SSPN: variants seen among roughly 807,000 people sequenced by gnomAD.
The protein encoded by SSPN is K-ras oncogene-associated protein.
In SSPN, 15 loss-of-function variants were observed where a neutral mutation model predicts 19.1. That is an observed-to-expected ratio of 0.78 (90% CI 0.52 to 1.21). The LOEUF (loss-of-function observed/expected upper bound fraction) is 1.21, where lower values mean the gene tolerates loss of function less well. SSPN is among the 50% of genes most tolerant of loss of function. SSPN has a pLI of 0.00. For missense variants in SSPN, 291 were observed against 314.0 expected, an observed-to-expected ratio of 0.93 and a Z score of 0.55; for synonymous variants, 147 against 140.3, an observed-to-expected ratio of 1.05 and a Z score of -0.34.
At chr12:26,145,783 C>T (rs766995515) in intron 1 of SSPN, among the ~76,000 whole-genome samples, 5 of 152,152 alleles carry the variant, frequency 3.3e-5, no homozygotes, top group Non-Finnish European at 5.9e-5. Flanking sequence ...ATTCCGCCCT[C>T]GTGCCCCTCT....
intron 1 of SSPN, among the ~76,000 whole-genome samples, chr12:26,163,675 C>A (rs988740032): frequency 1.2e-4 from 18 of 152,162 alleles, no homozygotes; most frequent in Admixed American, 3.9e-4. Context: ...GGCTTATTCA[C>A]CTCTTAAAGG....
intron 1 of SSPN, among the ~76,000 whole-genome samples, chr12:26,219,538 C>T (rs1046817547): frequency 6.6e-6 from 1 of 152,156 alleles, no homozygotes; most frequent in African/African-American, 2.4e-5. Flanking sequence ...TTCTAGCTCA[C>T]AAGAGAGAAT....
chr12:26,169,591 A>ATTT (rs1479374129), intron 1 of SSPN, among the ~76,000 whole-genome samples: 6 of 126,576 alleles, frequency 4.7e-5, no homozygotes, highest in African/African-American at 2.4e-4. Context: ...ATATATATAT[A>ATTT]TATTTTTTTT....
intron 1 of SSPN, among the ~76,000 whole-genome samples, chr12:26,166,396 G>A (rs1403471653): frequency 6.6e-6 from 1 of 152,206 alleles, no homozygotes; most frequent in Non-Finnish European, 1.5e-5. Flanking sequence ...ACTCGGAAAT[G>A]TAGCAACCAA....
intron 1 of SSPN, among the ~76,000 whole-genome samples, chr12:26,158,871 C>G (rs563963507): frequency 6.6e-6 from 1 of 152,374 alleles, no homozygotes; most frequent in African/African-American, 2.4e-5. Context: ...CCTGCTCTTG[C>G]CAGTAGAGCC....
In SSPN at chr12:26,231,149, A is replaced by G; in HGVS notation, c.*73A>G. 1 of 1,447,192 alleles carries G rather than the reference A, an allele frequency of 6.9e-7. No homozygotes were observed. The highest frequency in any genetic ancestry group is 9.1e-7 in the Non-Finnish European group (1 of 1,099,260). The allele number at this position is 1,447,192 out of a possible 1,614,324, so 89.6% of individuals were successfully genotyped here. On this transcript the variant is annotated 3_prime_UTR_variant, in exon 3 of 3. Transcript: ENST00000242729. Reference sequence around the variant, plus strand: ...GGTTAAACAAACAAAAAAAAATTTTAAACAAAGAAAGGAAAAAAATTGACA... The same window carrying G: ...GGTTAAACAAACAAAAAAAAATTTTGAACAAAGAAAGGAAAAAAATTGACA...
chr12:26,195,933 A>G lies in SSPN; in HGVS notation c.261A>G (p.Pro87=), dbSNP rs1294812632. ...CCTCCCTGCTAGTCAGGGACACTCCATTTTGGGCTGGGATCATTGTAAGCA... is the reference window on the plus strand; with the variant it reads ...CCTCCCTGCTAGTCAGGGACACTCCGTTTTGGGCTGGGATCATTGTAAGCA... ...ISSSLLVRDT[P]FWAGIIVCLV... Residue 87 remains proline (P), a synonymous_variant, in exon 1 of 3, where the codon CCA becomes CCG. Coordinates refer to ENST00000242729, the MANE Select transcript of SSPN (RefSeq NM_005086.5). 1.1e-5 allele frequency: 17 copies of G among 1,535,394 alleles called. No homozygotes were observed. In the African/African-American group the frequency reaches 2.3e-4, roughly 21 times the overall value.
At chr12:26,173,066 T>A (rs1166710082) in intron 1 of SSPN, among the ~76,000 whole-genome samples, 1 of 152,186 alleles carries the variant, frequency 6.6e-6, no homozygotes, top group Non-Finnish European at 1.5e-5. Context: ...TGTTTTGTGC[T>A]GTTGATTTGA....
intron 1 of SSPN, among the ~76,000 whole-genome samples, chr12:26,214,076 G>C (rs1400618497): frequency 6.6e-6 from 1 of 152,062 alleles, no homozygotes; most frequent in Non-Finnish European, 1.5e-5. Context: ...AGCACAGTTT[G>C]AGTTCCTGTG....
intron 1 of SSPN, among the ~76,000 whole-genome samples, chr12:26,132,374 TTAAGA>T (rs1322442557): frequency 6.6e-6 from 1 of 152,230 alleles, no homozygotes. Context: ...TAAATTTCTC[TTAAGA>T]GAAAAGATCA....
intron 1 of SSPN, among the ~76,000 whole-genome samples, chr12:26,144,282 A>T (rs1944477071): frequency 1.3e-5 from 2 of 152,316 alleles, no homozygotes; most frequent in Middle Eastern, 3.4e-3. Context: ...AGAATGCAGA[A>T]CTTTGCCATG....
intron 1 of SSPN, among the ~76,000 whole-genome samples, chr12:26,187,426 GATTATTGAAAC>G (rs1188695647): frequency 6.6e-6 from 1 of 152,252 alleles, no homozygotes; most frequent in East Asian, 1.9e-4. Flanking sequence ...CTTAATGTTA[GATTATTGAAAC>G]ATTGTTTTTG....
chr12:26,201,046 T>TATAA (rs59727119), intron 1 of SSPN, among the ~76,000 whole-genome samples: 1 of 77,210 alleles, frequency 1.3e-5, no homozygotes, highest in Non-Finnish European at 2.3e-5. Context: ...TATATATATA[T>TATAA]TATATATATA....
At chr12:26,171,611 C>A (rs1286045141) in intron 1 of SSPN, among the ~76,000 whole-genome samples, 2 of 114,692 alleles carry the variant, frequency 1.7e-5, no homozygotes, top group African/African-American at 8.9e-5. Flanking sequence ...AGAATAATGC[C>A]CCTGTTTTCC....
intron 1 of SSPN, among the ~76,000 whole-genome samples, chr12:26,199,332 A>C (rs971367315): frequency 3.3e-5 from 5 of 152,190 alleles, no homozygotes; most frequent in African/African-American, 4.8e-5. Context: ...ATCCCCAATC[A>C]AAAGATGATT....
Position 26,232,065 on chromosome 12 carries a change from C to T in SSPN, c.*989C>T. On this transcript the variant is annotated 3_prime_UTR_variant, in exon 3 of 3. Transcript: ENST00000242729. ...ACACCCATTTAAACAAAAACAAGAG[C>T]ATTTGTAATAGGAAGTGTTTATACA... The T allele has an allele frequency of 4.1e-6, 4 of 985,276 alleles. No homozygotes were observed. The highest frequency in any genetic ancestry group is 4.8e-6 in the Non-Finnish European group (4 of 829,896). The allele number at this position is 985,276 out of a possible 1,614,324, so 61.0% of individuals were successfully genotyped here.
At chr12:26,191,173 A>G (rs1944785245), upstream of SSPN, among the ~76,000 whole-genome samples, 1 of 152,230 alleles carries the variant, frequency 6.6e-6, no homozygotes, top group South Asian at 2.1e-4. Flanking sequence ...GTATTTCTCA[A>G]TTAAAATAAA....
intron 1 of SSPN, among the ~76,000 whole-genome samples, chr12:26,130,053 A>T (rs1390267406): frequency 2.0e-5 from 3 of 152,034 alleles, no homozygotes; most frequent in Non-Finnish European, 4.4e-5. Context: ...TCTCATACTG[A>T]TTGAGGTGGA....
intron 1 of SSPN, among the ~76,000 whole-genome samples, chr12:26,164,634 T>C (rs563158277): frequency 2.0e-5 from 3 of 152,368 alleles, no homozygotes; most frequent in African/African-American, 7.2e-5. Context: ...TTGATTTATT[T>C]ACTTCATTGT....
Sources: gnomAD v4.1 joint callset for allele counts (sites outside exome capture counted in the v4.1 genomes callset) on GRCh38, gnomAD v4.1.1 for gene constraint, MANE v1.5 for transcripts, NCBI Gene and HGNC (gene_info 2026-07-23, HGNC 2026-07-21) for gene names.